ACBD6: variants seen among roughly 807,000 people sequenced by gnomAD.
ACBD6 encodes acyl-CoA binding domain containing 6.
ACBD6 carries 28 observed loss-of-function variants against 37.2 expected under a neutral mutation model. The ratio of observed to expected loss-of-function variants is 0.75; its 90% CI spans 0.56 to 1.03. The LOEUF (loss-of-function observed/expected upper bound fraction) is 1.03. Ranked by LOEUF, ACBD6 falls within the 50% of genes least tolerant of loss-of-function variation. ACBD6 has a pLI of 0.00. For missense variants in ACBD6, 340 were observed against 337.4 expected (o/e 1.01, Z -0.06); for synonymous variants, 113 against 126.8 (o/e 0.89, Z 0.73).
chr1:180,381,667 C>A (rs559636506), intron 6 of ACBD6, among the ~76,000 whole-genome samples: 1 of 151,856 alleles, frequency 6.6e-6, no homozygotes, highest in Non-Finnish European at 1.5e-5. Context: ...TTTATTGAAC[C>A]AAATGAAAAT....
chr1:180,427,491 C>G (rs1481664124), intron 4 of ACBD6, among the ~76,000 whole-genome samples: 1 of 152,158 alleles, frequency 6.6e-6, no homozygotes, highest in African/African-American at 2.4e-5. Flanking sequence ...AGATATATTT[C>G]ACCAAAATAC....
chr1:180,398,059 T>TGCA (rs1654329468), intron 5 of ACBD6, among the ~76,000 whole-genome samples: 2 of 149,268 alleles, frequency 1.3e-5, no homozygotes, highest in Admixed American at 1.3e-4. Flanking sequence ...TCTCAAAAAC[T>TGCA]ACAACAACAA....
intron 6 of ACBD6, among the ~76,000 whole-genome samples, chr1:180,366,686 A>ATT (rs1653067099): frequency 6.6e-6 from 1 of 152,220 alleles, no homozygotes; most frequent in African/African-American, 2.4e-5. Flanking sequence ...TGACAGAGAA[A>ATT]TAACTGATTA....
At chr1:180,339,548 G>A (rs1651892413) in intron 6 of ACBD6, among the ~76,000 whole-genome samples, 1 of 151,728 alleles carries the variant, frequency 6.6e-6, no homozygotes, top group African/African-American at 2.4e-5. Context: ...GAAGGAGGGA[G>A]GGAGGGATAG....
At chr1:180,460,447 G>T (rs1196973933) in intron 3 of ACBD6, among the ~76,000 whole-genome samples, 2 of 152,136 alleles carry the variant, frequency 1.3e-5, no homozygotes, top group Non-Finnish European at 1.5e-5. Context: ...CTTTAAGCAG[G>T]TCCCTGATCC....
intron 3 of ACBD6, among the ~76,000 whole-genome samples, chr1:180,446,027 G>A (rs1247704989): frequency 6.6e-6 from 1 of 151,832 alleles, no homozygotes; most frequent in Non-Finnish European, 1.5e-5. Context: ...GGGGGGGATG[G>A]GGTCTCATTC....
At chr1:180,409,581 A>G (rs1017906310) in intron 5 of ACBD6, among the ~76,000 whole-genome samples, 1 of 152,192 alleles carries the variant, frequency 6.6e-6, no homozygotes. Flanking sequence ...TGTTAGGGTA[A>G]TGATCAGTGA....
intron 6 of ACBD6, among the ~76,000 whole-genome samples, chr1:180,386,680 T>A (rs1159537068): frequency 1.3e-5 from 2 of 152,150 alleles, no homozygotes; most frequent in Non-Finnish European, 2.9e-5. Context: ...CTGATCTTTT[T>A]ATCATTTCCA....
chr1:180,418,357 C>G (rs191423219), intron 4 of ACBD6, among the ~76,000 whole-genome samples: 89 of 152,180 alleles, frequency 5.8e-4, no homozygotes, highest in African/African-American at 2.0e-3. Flanking sequence ...GAGGGAGGAT[C>G]ACTTGAGCGC....
chr1:180,385,097 T>C (rs1653802076), intron 6 of ACBD6, among the ~76,000 whole-genome samples: 1 of 151,958 alleles, frequency 6.6e-6, no homozygotes, highest in African/African-American at 2.4e-5. Flanking sequence ...AGAGTAGGGC[T>C]TTTACTACAG....
chr1:180,473,487 G>A (rs1296951650), intron 3 of ACBD6, among the ~76,000 whole-genome samples: 2 of 151,762 alleles, frequency 1.3e-5, no homozygotes, highest in Non-Finnish European at 2.9e-5. Flanking sequence ...GTCAAATTTG[G>A]CAGGAGTGGA....
intron 6 of ACBD6, among the ~76,000 whole-genome samples, chr1:180,354,606 G>A (rs1255955768): frequency 2.6e-5 from 4 of 152,144 alleles, no homozygotes; most frequent in Non-Finnish European, 5.9e-5. Context: ...AAGTAGGACT[G>A]CCGATGAAAG....
intron 3 of ACBD6, among the ~76,000 whole-genome samples, chr1:180,450,826 TG>T (rs1649677183): frequency 6.6e-6 from 1 of 152,046 alleles, no homozygotes; most frequent in African/African-American, 2.4e-5. Context: ...ATCGTCTATG[TG>T]GGCCTAAAAA....
chr1:180,449,285 C>A (rs1318155174), intron 3 of ACBD6, among the ~76,000 whole-genome samples: 1 of 152,114 alleles, frequency 6.6e-6, no homozygotes, highest in Non-Finnish European at 1.5e-5. Context: ...AAGCAGAATT[C>A]TCAAAATCTT....
At chr1:180,445,399 T>C (rs974712393) in intron 3 of ACBD6, among the ~76,000 whole-genome samples, 1 of 152,188 alleles carries the variant, frequency 6.6e-6, no homozygotes, top group African/African-American at 2.4e-5. Context: ...GAAAAAGAGA[T>C]AGAAAACTAA....
intron 3 of ACBD6, among the ~76,000 whole-genome samples, chr1:180,476,813 A>C (rs1295585669): frequency 6.6e-6 from 1 of 152,096 alleles, no homozygotes; most frequent in Non-Finnish European, 1.5e-5. Context: ...CAACAGAGTG[A>C]GACTCTGTCT....
intron 3 of ACBD6, among the ~76,000 whole-genome samples, chr1:180,436,839 T>TA (rs1397279797): frequency 6.6e-6 from 1 of 151,932 alleles, no homozygotes; most frequent in African/African-American, 2.4e-5. Context: ...CTCAAAATAA[T>TA]AAAGGCCATA....
At chr1:180,384,440 C>A (rs1368598759) in intron 6 of ACBD6, among the ~76,000 whole-genome samples, 1 of 151,950 alleles carries the variant, frequency 6.6e-6, no homozygotes, top group Non-Finnish European at 1.5e-5. Context: ...AAATGTAAAT[C>A]AAGACCACGA....
intron 3 of ACBD6, among the ~76,000 whole-genome samples, chr1:180,480,844 G>A (rs1247739783): frequency 1.3e-5 from 2 of 152,000 alleles, no homozygotes; most frequent in African/African-American, 4.8e-5. Context: ...CAGCCTAACC[G>A]ACATGGTGAG....
Sources: gnomAD v4.1 joint callset for allele counts (sites outside exome capture counted in the v4.1 genomes callset) on GRCh38, gnomAD v4.1.1 for gene constraint, MANE v1.5 for transcripts, NCBI Gene and HGNC (gene_info 2026-07-23, HGNC 2026-07-21) for gene names.